The following SLC17A8 variants were observed in gnomAD, a reference collection of about 807,000 sequenced individuals.
SLC17A8 encodes the protein solute carrier family 17 member 8, also known as vesicular glutamate transporter 3.
A neutral mutation model predicts 58.0 loss-of-function variants in SLC17A8; 31 were observed. The ratio of observed to expected loss-of-function variants is 0.53; its 90% CI spans 0.40 to 0.72. The LOEUF (loss-of-function observed/expected upper bound fraction) is 0.72, where lower values mean the gene tolerates loss of function less well. SLC17A8 is among the 30% of genes least tolerant of loss of function. The probability of loss-of-function intolerance (pLI) is 0.00; values close to 1 mark genes in which losing one functional copy is unlikely to be tolerated. For missense variants in SLC17A8, 655 were observed against 727.8 expected, an observed-to-expected ratio of 0.90 and a Z score of 1.15; for synonymous variants, 228 against 249.0, an observed-to-expected ratio of 0.92 and a Z score of 0.79.
rs535330961 is a variant in SLC17A8 at position 100,394,577 on chromosome 12, A to T, written c.588+1094A>T. 2.1e-4 allele frequency among the ~76,000 whole-genome samples: 31 copies of T among 150,080 alleles called. No individual in the cohort carries two copies. The East Asian group carries it at 5.9e-3, about 28-fold the overall frequency. On this transcript the variant is annotated intron_variant, in intron 4 of 11. Coordinates refer to ENST00000323346, the MANE Select transcript of SLC17A8 (RefSeq NM_139319.3). ...TTACCACACCCGGCTAATTTTTTGT[A>T]TTTTTAGTAGAGATGGGGTTTTACC...
intron 9 of SLC17A8, among the ~76,000 whole-genome samples, chr12:100,407,088 C>T (rs1233085463): frequency 6.6e-6 from 1 of 152,178 alleles, no homozygotes; most frequent in Non-Finnish European, 1.5e-5. Flanking sequence ...TATGAATGCA[C>T]CTAGTGCGGT....
chr12:100,363,415 C>G (rs1415270376), intron 1 of SLC17A8, among the ~76,000 whole-genome samples: 1 of 152,128 alleles, frequency 6.6e-6, no homozygotes, highest in Non-Finnish European at 1.5e-5. Flanking sequence ...GTCGCCCAGG[C>G]TGGATGCAGC....
At chr12:100,419,780 T>G (rs1952934080) in intron 11 of SLC17A8, 35 bp from the exon 12 acceptor site, 3 of 1,600,890 alleles carry the variant, frequency 1.9e-6, no homozygotes, top group Non-Finnish European at 1.7e-6. Flanking sequence ...TAGTTTTAGT[T>G]AAAACATTAA....
intron 2 of SLC17A8, 129 bp from the exon 3 acceptor site, chr12:100,390,872 C>A: frequency 1.3e-6 from 1 of 745,922 alleles, no homozygotes; most frequent in Non-Finnish European, 2.4e-6. Context: ...AGATGCCCTC[C>A]ATAAGTATGT....
chr12:100,401,458 T>C (rs1258617924), intron 5 of SLC17A8, among the ~76,000 whole-genome samples: 2 of 152,148 alleles, frequency 1.3e-5, no homozygotes, highest in Admixed American at 6.5e-5. Context: ...ATATTGCGCC[T>C]GGTTGAATTT....
chr12:100,409,429 G>A lies in SLC17A8; in HGVS notation c.1187-3341G>A, dbSNP rs533585583. 6.6e-5 allele frequency among the ~76,000 whole-genome samples: 10 copies of A among 152,128 alleles called. 1 individual carries two copies. The highest frequency in any genetic ancestry group is 1.9e-4 in the East Asian group (1 of 5,184). On this transcript the variant is annotated intron_variant, in intron 9 of 11. Transcript: ENST00000323346. ...TTGAACTCCTGACGTCAGGTGATCC[G>A]CCTGCCTCGTCCTCCCAAAGAGCTG... is the stretch of plus-strand genomic sequence containing the variant.
At chr12:100,398,028 A>G (rs1952765023) in intron 5 of SLC17A8, among the ~76,000 whole-genome samples, 9 of 151,986 alleles carry the variant, frequency 5.9e-5, no homozygotes, top group Admixed American at 5.9e-4. Flanking sequence ...CTGATTTTCA[A>G]ACTAGCACAC....
chr12:100,364,926 C>A (rs1278171725), intron 1 of SLC17A8, among the ~76,000 whole-genome samples: 1 of 152,224 alleles, frequency 6.6e-6, no homozygotes, highest in Non-Finnish European at 1.5e-5. Flanking sequence ...CCATTTGCAA[C>A]ATGCTCTAAC....
chr12:100,396,449 T>C, intron 5 of SLC17A8, 32 bp downstream of exon 5: 1 of 1,582,538 alleles, frequency 6.3e-7, no homozygotes, highest in Non-Finnish European at 8.7e-7. Flanking sequence ...CAAATTTTAT[T>C]TATGAATGCT....
intron 9 of SLC17A8, among the ~76,000 whole-genome samples, chr12:100,409,473 A>T (rs1952851501): frequency 6.6e-6 from 1 of 152,214 alleles, no homozygotes; most frequent in South Asian, 2.1e-4. Context: ...GGTGTGCACC[A>T]CCATGCCTGG....
chr12:100,385,162 A>AAGAGAC (rs1163275465), intron 2 of SLC17A8, among the ~76,000 whole-genome samples: 3 of 150,122 alleles, frequency 2.0e-5, no homozygotes, highest in Non-Finnish European at 3.0e-5. Context: ...GAGAAAGAGA[A>AAGAGAC]AGAGACAGAG....
At chr12:100,419,026 T>C (rs567691810) in intron 11 of SLC17A8, among the ~76,000 whole-genome samples, 1 of 152,084 alleles carries the variant, frequency 6.6e-6, no homozygotes, top group Non-Finnish European at 1.5e-5. Flanking sequence ...TTGACATACT[T>C]TTTTTTACAC....
intron 1 of SLC17A8, among the ~76,000 whole-genome samples, chr12:100,366,947 T>G (rs1952524332): frequency 6.6e-6 from 1 of 152,228 alleles, no homozygotes; most frequent in Non-Finnish European, 1.5e-5. Context: ...CAATTGCCAC[T>G]GGTTCTGGAG....
At chr12:100,358,529 T>G (rs1336391785) in intron 1 of SLC17A8, among the ~76,000 whole-genome samples, 2 of 152,210 alleles carry the variant, frequency 1.3e-5, no homozygotes, top group African/African-American at 4.8e-5. Flanking sequence ...ATATTAACTT[T>G]CCTAATAAGA....
intron 1 of SLC17A8, among the ~76,000 whole-genome samples, chr12:100,371,733 A>T (rs747842357): frequency 7.2e-5 from 11 of 152,196 alleles, no homozygotes; most frequent in African/African-American, 2.4e-4. Context: ...TATTTTTAGT[A>T]GAGATGGGTT....
In SLC17A8 at chr12:100,357,246, C is replaced by T; in HGVS notation, c.-146C>T. 1.4e-6 allele frequency: 1 copy of T among 708,322 alleles called. No individual in the cohort carries two copies. Among genetic ancestry groups the T allele is most frequent in the Non-Finnish European group, 2.6e-6 (1 of 385,992 alleles). 43.9% of individuals were successfully genotyped at this position (708,322 alleles called of 1,614,324 possible). The stretch of plus-strand genomic sequence containing the variant: ...GAAGATCCGAGCTGGGTTTCATCTC[C>T]TTTTTGATTTTGAGTAGTTCCCTCC... On this transcript the variant is annotated 5_prime_UTR_variant, in exon 1 of 12. Coordinates refer to ENST00000323346, the MANE Select transcript of SLC17A8 (RefSeq NM_139319.3).
intron 1 of SLC17A8, among the ~76,000 whole-genome samples, chr12:100,376,510 G>T (rs1428104662): frequency 6.6e-6 from 1 of 152,130 alleles, no homozygotes; most frequent in Non-Finnish European, 1.5e-5. Context: ...AAAGGAGAAG[G>T]GTTTCATATC....
intron 1 of SLC17A8, among the ~76,000 whole-genome samples, chr12:100,372,376 C>G (rs57810109): frequency 0.013 from 1,955 of 152,206 alleles, 30 homozygotes; most frequent in African/African-American, 0.036. Flanking sequence ...GAAACAGGGT[C>G]TCACTCTGTC....
At chr12:100,383,045 G>T (rs60708055) in intron 2 of SLC17A8, among the ~76,000 whole-genome samples, 1 of 152,122 alleles carries the variant, frequency 6.6e-6, no homozygotes, top group Non-Finnish European at 1.5e-5. Flanking sequence ...CATATCATGC[G>T]TTTTTAAAAT....
Sources: gnomAD v4.1 joint callset for allele counts (sites outside exome capture counted in the v4.1 genomes callset) on GRCh38, gnomAD v4.1.1 for gene constraint, MANE v1.5 for transcripts, NCBI Gene and HGNC (gene_info 2026-07-23, HGNC 2026-07-21) for gene names.